Variants in TCERG1L observed in about 807,000 individuals in gnomAD.
TCERG1L encodes transcription elongation regulator 1-like protein.
In TCERG1L, 37 loss-of-function variants were observed where a neutral mutation model predicts 56.3. The ratio of observed to expected loss-of-function variants is 0.66; its 90% CI spans 0.51 to 0.87. The LOEUF (loss-of-function observed/expected upper bound fraction) is 0.87. Ranked by LOEUF, TCERG1L falls within the 40% of genes least tolerant of loss-of-function variation. The pLI, the probability that TCERG1L is intolerant of heterozygous loss-of-function variation, is 0.00. For missense variants in TCERG1L, 799 were observed against 774.2 expected (o/e 1.03, Z -0.38); for synonymous variants, 324 against 326.3 (o/e 0.99, Z 0.08).
At chr10:131,242,228 C>A (rs532414673) in intron 4 of TCERG1L, among the ~76,000 whole-genome samples, 69 of 152,196 alleles carry the variant, frequency 4.5e-4, no homozygotes, top group African/African-American at 1.6e-3. Flanking sequence ...GCGTTGCAGC[C>A]GCCAGGAGGA....
At chr10:131,250,168 C>A (rs1236141967) in intron 4 of TCERG1L, among the ~76,000 whole-genome samples, 2 of 152,338 alleles carry the variant, frequency 1.3e-5, no homozygotes, top group Middle Eastern at 3.4e-3. Context: ...CGCTCCCCTG[C>A]AGATCCTCCC....
chr10:131,222,654 A>G (rs1436338550), intron 4 of TCERG1L, among the ~76,000 whole-genome samples: 1 of 152,198 alleles, frequency 6.6e-6, no homozygotes, highest in African/African-American at 2.4e-5. Context: ...TAGTGAGGGT[A>G]TGGCCGAGCC....
rs1281714054 is a variant in TCERG1L, at chr10:131,260,031, A to G, written c.856+228T>C. ...ACGGAAGCTTTCACCTTGGCTTTAC[A>G]GCAGGAAGTGCCAGGGTGGACCTGA... On this transcript the variant is annotated intron_variant, in intron 4 of 11. Coordinates refer to ENST00000368642, the MANE Select transcript of TCERG1L (RefSeq NM_174937.4). The surrounding 1 kb of genome is among the most constrained non-coding windows in gnomAD (Gnocchi z 5.8). Among the ~76,000 whole-genome samples the G allele has an allele frequency of 6.6e-6, 1 of 152,250 alleles. No homozygotes were observed. Among genetic ancestry groups the G allele is most frequent in the Non-Finnish European group, 1.5e-5 (1 of 68,046 alleles).
intron 4 of TCERG1L, among the ~76,000 whole-genome samples, chr10:131,257,668 G>A (rs1335482637): frequency 6.6e-6 from 1 of 152,120 alleles, no homozygotes; most frequent in African/African-American, 2.4e-5. Flanking sequence ...GGGGCTGCCT[G>A]GGGGTTGTAG....
intron 4 of TCERG1L, among the ~76,000 whole-genome samples, chr10:131,252,864 T>C (rs929337640): frequency 2.6e-5 from 4 of 152,222 alleles, no homozygotes; most frequent in African/African-American, 9.6e-5. Context: ...CACGATGCTT[T>C]CATTAAAGCA....
intron 4 of TCERG1L, among the ~76,000 whole-genome samples, chr10:131,239,030 C>T (rs538416326): frequency 2.6e-5 from 4 of 152,306 alleles, no homozygotes; most frequent in Admixed American, 6.5e-5. Flanking sequence ...CCAAGTAGCA[C>T]GTGTGCATTT....
At chr10:131,253,209 C>A (rs1279082502) in intron 4 of TCERG1L, among the ~76,000 whole-genome samples, 3 of 152,168 alleles carry the variant, frequency 2.0e-5, no homozygotes, top group Middle Eastern at 3.2e-3. Context: ...GATTTGAGCA[C>A]CGTGTCTCTA....
In TCERG1L at chr10:131,259,066, T is replaced by C. The variant is rs188188935; in HGVS notation, c.856+1193A>G. ...GACATGCTGACATAGAAATACAATT[T>C]TGATCTTGAGAATACAATATCCGAC... On this transcript the variant is annotated intron_variant, in intron 4 of 11. Transcript: ENST00000368642. Among the ~76,000 whole-genome samples, 104 of 152,330 alleles carry C rather than the reference T, an allele frequency of 6.8e-4. 1 individual carries two copies. The highest frequency in any genetic ancestry group is 1.3e-3 in the Non-Finnish European group (90 of 68,038).
chr10:131,261,682 G>A (rs1846238387), intron 3 of TCERG1L, among the ~76,000 whole-genome samples: 1 of 152,362 alleles, frequency 6.6e-6, no homozygotes, highest in South Asian at 2.1e-4. Flanking sequence ...GTAGCTCTTT[G>A]GGACAGAGCA....
chr10:131,304,258 C>T (rs182735844), intron 3 of TCERG1L, among the ~76,000 whole-genome samples: 2 of 152,152 alleles, frequency 1.3e-5, no homozygotes, highest in East Asian at 1.9e-4. Flanking sequence ...CTACTTTCTC[C>T]TCCCACTGCT....
At chr10:131,248,444 ATC>A (rs147556986) in intron 4 of TCERG1L, among the ~76,000 whole-genome samples, 1,653 of 149,406 alleles carry the variant, frequency 0.011, 29 homozygotes, top group African/African-American at 0.036. Context: ...CACCAGGCTG[ATC>A]TCTCTCTCTC....
chr10:131,220,321 T>G (rs576782204), intron 4 of TCERG1L, among the ~76,000 whole-genome samples: 1 of 152,312 alleles, frequency 6.6e-6, no homozygotes, highest in South Asian at 2.1e-4. Context: ...TCCAGGGCTC[T>G]TGGCTTAGGG....
chr10:131,154,880 G>A (rs914430726), intron 6 of TCERG1L, among the ~76,000 whole-genome samples: 13 of 152,342 alleles, frequency 8.5e-5, no homozygotes, highest in East Asian at 3.9e-4. Flanking sequence ...GGCACCTGCC[G>A]CGTGACTGTG....
At chr10:131,109,942 C>G (rs901505387) in intron 9 of TCERG1L, among the ~76,000 whole-genome samples, 4 of 152,236 alleles carry the variant, frequency 2.6e-5, no homozygotes, top group African/African-American at 9.6e-5. Flanking sequence ...CGGCAGATGC[C>G]TCATCAAAAT....
chr10:131,304,513 C>T (rs1164566642), intron 3 of TCERG1L, among the ~76,000 whole-genome samples: 1 of 152,010 alleles, frequency 6.6e-6, no homozygotes, highest in East Asian at 1.9e-4. Flanking sequence ...GCAGCTGATG[C>T]ACAGGCACTG....
At chr10:131,293,884 T>C (rs1846661998) in intron 3 of TCERG1L, among the ~76,000 whole-genome samples, 1 of 152,218 alleles carries the variant, frequency 6.6e-6, no homozygotes, top group African/African-American at 2.4e-5. Flanking sequence ...GTTTCACTCA[T>C]TATTTTTTGT....
chr10:131,297,007 T>G (rs953894958), intron 3 of TCERG1L, among the ~76,000 whole-genome samples: 1 of 152,248 alleles, frequency 6.6e-6, no homozygotes, highest in Admixed American at 6.5e-5. Context: ...AGATAGTCTA[T>G]ATCGTCATTT....
intron 4 of TCERG1L, among the ~76,000 whole-genome samples, chr10:131,196,236 T>A (rs913674873): frequency 1.9e-4 from 29 of 152,224 alleles, no homozygotes; most frequent in African/African-American, 6.8e-4. Context: ...ATTTACTTTA[T>A]CGGCATGGCA....
intron 4 of TCERG1L, among the ~76,000 whole-genome samples, chr10:131,171,896 G>T (rs77794308): frequency 0.019 from 2,840 of 152,282 alleles, 43 homozygotes; most frequent in Middle Eastern, 0.037. Flanking sequence ...ACATTCAAAA[G>T]AGTTTGTTTC....
Sources: allele counts gnomAD v4.1 joint callset (sites outside exome capture counted in the v4.1 genomes callset), GRCh38; gene constraint gnomAD v4.1.1; non-coding constraint Gnocchi (gnomAD v3.1); transcripts MANE v1.5; gene names NCBI Gene and HGNC (gene_info 2026-07-23, HGNC 2026-07-21).